EXT2: variants seen among roughly 807,000 people sequenced by gnomAD.
EXT2 encodes exostosin-2.
A neutral mutation model predicts 81.6 loss-of-function variants in EXT2; 53 were observed. That is an observed-to-expected ratio of 0.65 (90% CI 0.52 to 0.82). The LOEUF (loss-of-function observed/expected upper bound fraction) is 0.82, where lower values mean the gene tolerates loss of function less well. Ranked by LOEUF, EXT2 falls within the 40% of genes least tolerant of loss-of-function variation. The pLI, the probability that EXT2 is intolerant of heterozygous loss-of-function variation, is 0.00. For synonymous variants in EXT2, 320 were observed against 340.0 expected (o/e 0.94, Z 0.65); for missense variants, 774 against 910.2 (o/e 0.85, Z 1.93).
At chr11:44,236,995 T>A (rs1055878351) in intron 13 of EXT2, among the ~76,000 whole-genome samples, 1 of 152,216 alleles carries the variant, frequency 6.6e-6, no homozygotes, top group South Asian at 2.1e-4. Flanking sequence ...GTTAAGACTA[T>A]ACTAGACCTA....
At chr11:44,143,336 A>G (rs1954671010) in intron 7 of EXT2, among the ~76,000 whole-genome samples, 2 of 152,186 alleles carry the variant, frequency 1.3e-5, no homozygotes, top group South Asian at 4.1e-4. Context: ...TAACTGTGAG[A>G]TGTGAGAGGG....
intron 6 of EXT2, 149 bp from the exon 7 acceptor site, chr11:44,129,896 G>A: frequency 1.4e-6 from 1 of 713,776 alleles, no homozygotes; most frequent in Non-Finnish European, 2.6e-6. Flanking sequence ...GAAGAAGGGA[G>A]GGGAAAGAGA....
chr11:44,139,762 C>T (rs920848618), intron 7 of EXT2, among the ~76,000 whole-genome samples: 5 of 152,160 alleles, frequency 3.3e-5, no homozygotes, highest in Non-Finnish European at 4.4e-5. Flanking sequence ...GGCTGGTTTC[C>T]GTGGCCCCTG....
At chr11:44,118,121 G>A (rs187195944) in intron 4 of EXT2, among the ~76,000 whole-genome samples, 649 of 152,228 alleles carry the variant, frequency 4.3e-3, no homozygotes, top group Non-Finnish European at 5.7e-3. Flanking sequence ...TTAAATATAA[G>A]CACATCTACA....
chr11:44,236,727 C>T (rs967569284), intron 13 of EXT2, among the ~76,000 whole-genome samples: 5 of 152,106 alleles, frequency 3.3e-5, no homozygotes, highest in African/African-American at 1.2e-4. Flanking sequence ...AATAGCTCCA[C>T]GTTATAGTAA....
chr11:44,214,300 G>C (rs141997758), intron 10 of EXT2, among the ~76,000 whole-genome samples: 1,800 of 152,136 alleles, frequency 0.012, 28 homozygotes, highest in African/African-American at 0.039. Context: ...ATTTTTAGTA[G>C]AGACGGGGTT....
chr11:44,133,191 C>G (rs1954518681), intron 7 of EXT2, among the ~76,000 whole-genome samples: 1 of 152,212 alleles, frequency 6.6e-6, no homozygotes, highest in Admixed American at 6.5e-5. Context: ...TTCTTTGGTT[C>G]TATAACAAAA....
chr11:44,173,980 A>T (rs1955118929), intron 8 of EXT2, among the ~76,000 whole-genome samples: 1 of 152,232 alleles, frequency 6.6e-6, no homozygotes, highest in South Asian at 2.1e-4. Context: ...AAGAAAATAC[A>T]CATTTTAAAT....
chr11:44,125,940 G>C (rs1405849435), intron 5 of EXT2, among the ~76,000 whole-genome samples: 1 of 152,152 alleles, frequency 6.6e-6, no homozygotes, highest in Non-Finnish European at 1.5e-5. Flanking sequence ...TCCTCTTGCT[G>C]CTTTTCTCAT....
rs116659043 is a variant in EXT2, at chr11:44,161,759, G to A, written c.1174-9852G>A. Among the ~76,000 whole-genome samples, 783 of 152,262 alleles carry A rather than the reference G, an allele frequency of 5.1e-3. 7 individuals are homozygous for A. The highest frequency in any genetic ancestry group is 0.018 in the African/African-American group (731 of 41,550). On this transcript the variant is annotated intron_variant, in intron 7 of 13. Coordinates refer to ENST00000533608, the MANE Select transcript of EXT2 (RefSeq NM_207122.2). ...CCTTAACTATGTGAGCAAGGTTAACGTTACTTTTAATAAGTCATATTGGTA... is the reference window on the plus strand; with the variant it reads ...CCTTAACTATGTGAGCAAGGTTAACATTACTTTTAATAAGTCATATTGGTA...
At chr11:44,193,423 T>G (rs1279360993) in intron 8 of EXT2, among the ~76,000 whole-genome samples, 1 of 152,214 alleles carries the variant, frequency 6.6e-6, no homozygotes, top group Non-Finnish European at 1.5e-5. Context: ...ATTACCTCAT[T>G]TATGCTAAGT....
At chr11:44,187,393 GTTGAACTCCTGGCCTCCAGCTC>G (rs1955330980) in intron 8 of EXT2, among the ~76,000 whole-genome samples, 1 of 151,296 alleles carries the variant, frequency 6.6e-6, no homozygotes, top group African/African-American at 2.4e-5. Flanking sequence ...CCAGGCTGAT[GTTGAACTCCTGGCCTCCAGCTC>G]TTGAACTCCT....
intron 13 of EXT2, among the ~76,000 whole-genome samples, chr11:44,238,450 G>A (rs1258800498): frequency 6.6e-6 from 1 of 152,134 alleles, no homozygotes; most frequent in Non-Finnish European, 1.5e-5. Context: ...CCAAAGTGCT[G>A]GGATTATAGG....
intron 7 of EXT2, among the ~76,000 whole-genome samples, chr11:44,131,602 C>G (rs1051523374): frequency 6.6e-6 from 1 of 152,188 alleles, no homozygotes; most frequent in Non-Finnish European, 1.5e-5. Context: ...GTTATTTAAC[C>G]ACTGATTTCA....
intron 12 of EXT2, 83 bp from the exon 13 acceptor site, chr11:44,236,210 A>G: frequency 8.2e-7 from 1 of 1,222,118 alleles, no homozygotes; most frequent in Non-Finnish European, 1.2e-6. Flanking sequence ...TTACAACACA[A>G]AAGAATGCAG....
At chr11:44,197,244 T>A (rs1278815037) in intron 8 of EXT2, among the ~76,000 whole-genome samples, 1 of 152,146 alleles carries the variant, frequency 6.6e-6, no homozygotes, top group Non-Finnish European at 1.5e-5. Context: ...AACTGCTCCT[T>A]AAACAGATTT....
At chr11:44,146,625 T>C (rs1382899404) in intron 7 of EXT2, among the ~76,000 whole-genome samples, 2 of 152,206 alleles carry the variant, frequency 1.3e-5, no homozygotes, top group Non-Finnish European at 2.9e-5. Flanking sequence ...CTGCCCTGGA[T>C]ACCTCATCCA....
chr11:44,113,143 C>T (rs1954170538), intron 3 of EXT2, among the ~76,000 whole-genome samples: 1 of 152,232 alleles, frequency 6.6e-6, no homozygotes, highest in African/African-American at 2.4e-5. Flanking sequence ...TTACCTCACT[C>T]ACCAGTTCTT....
intron 9 of EXT2, among the ~76,000 whole-genome samples, chr11:44,206,476 A>G (rs966275623): frequency 6.6e-6 from 1 of 152,224 alleles, no homozygotes; most frequent in Non-Finnish European, 1.5e-5. Flanking sequence ...TCAATTGTGA[A>G]TTGAAGCCAA....
Sources: allele counts gnomAD v4.1 joint callset (sites outside exome capture counted in the v4.1 genomes callset), GRCh38; gene constraint gnomAD v4.1.1; transcripts MANE v1.5; gene names NCBI Gene and HGNC (gene_info 2026-07-23, HGNC 2026-07-21).